ANKDD1B: variants seen among roughly 807,000 people sequenced by gnomAD.
ANKDD1B encodes the protein ankyrin repeat and death domain containing 1B.
ANKDD1B carries 57 observed loss-of-function variants against 59.7 expected under a neutral mutation model. The observed-to-expected ratio is 0.95, with a 90% confidence interval of 0.77 to 1.19. The LOEUF is 1.19. ANKDD1B is among the 50% of genes most tolerant of loss of function. The pLI is 0.00. For missense variants in ANKDD1B, 602 were observed against 641.9 expected, an observed-to-expected ratio of 0.94 and a Z score of 0.67; for synonymous variants, 216 against 239.5, an observed-to-expected ratio of 0.90 and a Z score of 0.91.
At chr5:75,653,304 A>G (rs1465203761) in intron 8 of ANKDD1B, 64 bp downstream of exon 8, 1 of 1,149,844 alleles carries the variant, frequency 8.7e-7, no homozygotes, top group Non-Finnish European at 1.3e-6. Context: ...TGTCAGGGAG[A>G]TGCCCCTTGC....
At chr5:75,653,851 T>C (rs933732002) in intron 8 of ANKDD1B, among the ~76,000 whole-genome samples, 4 of 152,322 alleles carry the variant, frequency 2.6e-5, no homozygotes, top group Non-Finnish European at 4.4e-5. Flanking sequence ...GTTTAAATCA[T>C]GTCAGATAGT....
At chr5:75,658,081 C>T (rs1775021258) in intron 9 of ANKDD1B, among the ~76,000 whole-genome samples, 1 of 151,768 alleles carries the variant, frequency 6.6e-6, no homozygotes, top group Non-Finnish European at 1.5e-5. Context: ...CCTGTAGTCT[C>T]AGCTACTCAG....
In ANKDD1B at chr5:75,671,723, G is replaced by C. The variant is rs1775491282; in HGVS notation, c.*683G>C. The C allele has an allele frequency of 1.3e-5, 2 of 150,044 alleles. No individual in the cohort carries two copies. The highest frequency in any genetic ancestry group is 3.0e-5 in the Non-Finnish European group (2 of 67,602). The allele number at this position is 150,044 out of a possible 1,614,324, so 9.3% of individuals were successfully genotyped here. On this transcript the variant is annotated 3_prime_UTR_variant, in exon 14 of 14. Transcript: ENST00000601380. ...TTTTTTTTTTTTTTTAAATCTCTTG[G>C]TGATGTAATTACAGATGATTATTTT...
intron 7 of ANKDD1B, among the ~76,000 whole-genome samples, chr5:75,648,801 T>C (rs1321735930): frequency 6.6e-6 from 1 of 152,038 alleles, no homozygotes; most frequent in Non-Finnish European, 1.5e-5. Flanking sequence ...CCGGGATGGG[T>C]TGGACTTTGG....
Position 75,653,126 on chromosome 5 carries a change from C to T in ANKDD1B, c.799-16C>T, listed in dbSNP as rs2111996421. The T allele has an allele frequency of 6.6e-7, 1 of 1,517,282 alleles. No homozygotes were observed. The highest frequency in any genetic ancestry group is 1.4e-5 in the African/African-American group (1 of 72,736). The allele number at this position is 1,517,282 out of a possible 1,614,324, so 94.0% of individuals were successfully genotyped here. On this transcript the variant is annotated splice_polypyrimidine_tract_variant and intron_variant, in intron 7 of 13. Coordinates refer to ENST00000601380, the MANE Select transcript of ANKDD1B (RefSeq NM_001276713.2). Reference sequence around the variant, plus strand: ...TAATGAGAGTTCCTCCTTGCCCTCTCTATTGTCTCTTGCAGCTCAATATCA... The same window carrying T: ...TAATGAGAGTTCCTCCTTGCCCTCTTTATTGTCTCTTGCAGCTCAATATCA...
At chr5:75,637,802 T>C (rs929419455) in intron 7 of ANKDD1B, among the ~76,000 whole-genome samples, 6 of 152,292 alleles carry the variant, frequency 3.9e-5, no homozygotes, top group Admixed American at 3.3e-4. Context: ...TTCTTTTTCT[T>C]ACTTTCTTTT....
At chr5:75,648,676 C>G (rs975786196) in intron 7 of ANKDD1B, among the ~76,000 whole-genome samples, 2 of 152,166 alleles carry the variant, frequency 1.3e-5, no homozygotes, top group African/African-American at 4.8e-5. Flanking sequence ...GCACACTTCT[C>G]AATCAACAAC....
intron 10 of ANKDD1B, among the ~76,000 whole-genome samples, chr5:75,663,141 A>C (rs1379411256): frequency 6.6e-6 from 1 of 152,202 alleles, no homozygotes; most frequent in Admixed American, 6.5e-5. Flanking sequence ...AGGTCACATA[A>C]CTAACTGCAA....
Position 75,666,977 on chromosome 5 carries a change from T to C in ANKDD1B, c.1377T>C (p.Ile459=). 1.3e-6 allele frequency: 2 copies of C among 1,481,988 alleles called. No homozygotes were observed. Among genetic ancestry groups the C allele is most frequent in the South Asian group, 2.7e-5 (2 of 73,148 alleles). The allele number at this position is 1,481,988 out of a possible 1,614,324, so 91.8% of individuals were successfully genotyped here. ...WNFTDDQIRA[I]EEQWSGNESF... is the part of the protein sequence containing the mutation. Reference sequence around the variant, plus strand: ...TTACAGATGACCAGATTAGAGCCATTGAGGAGCAGTGGTCGGGTGAGTACA... The same window carrying C: ...TTACAGATGACCAGATTAGAGCCATCGAGGAGCAGTGGTCGGGTGAGTACA... Residue 459 remains isoleucine, a synonymous_variant, in exon 12 of 14, where the codon ATT becomes ATC. Coordinates refer to ENST00000601380, the MANE Select transcript of ANKDD1B (RefSeq NM_001276713.2).
rs1775491162 is a variant in ANKDD1B, at chr5:75,671,716, T to A, written c.*676T>A. 6.6e-6 allele frequency: 1 copy of A among 152,040 alleles called. No homozygotes were observed. The highest frequency in any genetic ancestry group is 1.5e-5 in the Non-Finnish European group (1 of 67,958). The allele number at this position is 152,040 out of a possible 1,614,324, so 9.4% of individuals were successfully genotyped here. A position where few individuals can be genotyped will look rare whatever the true frequency, so the allele number is the denominator to read the frequency against. On this transcript the variant is annotated 3_prime_UTR_variant, in exon 14 of 14. Coordinates refer to ENST00000601380, the MANE Select transcript of ANKDD1B (RefSeq NM_001276713.2). ...TACACCATTTTTTTTTTTTTTTAAATCTCTTGGTGATGTAATTACAGATGA... is the reference window on the plus strand; with the variant it reads ...TACACCATTTTTTTTTTTTTTTAAAACTCTTGGTGATGTAATTACAGATGA...
At chr5:75,621,855 G>A (rs887590762) in intron 3 of ANKDD1B, among the ~76,000 whole-genome samples, 6 of 152,328 alleles carry the variant, frequency 3.9e-5, no homozygotes, top group Admixed American at 1.3e-4. Context: ...TGTCTCTGAA[G>A]CATGACTATT....
chr5:75,618,508 ATC>A, intron 2 of ANKDD1B, among the ~76,000 whole-genome samples: 1 of 152,338 alleles, frequency 6.6e-6, no homozygotes, highest in African/African-American at 2.4e-5. Flanking sequence ...TTCTAATGAC[ATC>A]TGTTTACTGT....
chr5:75,633,551 A>AT (rs1774222652), intron 5 of ANKDD1B, among the ~76,000 whole-genome samples: 1 of 152,160 alleles, frequency 6.6e-6, no homozygotes, highest in South Asian at 2.1e-4. Context: ...ATTTTTTAAC[A>AT]TTAAGACACC....
intron 7 of ANKDD1B, among the ~76,000 whole-genome samples, chr5:75,648,211 C>G (rs1188662344): frequency 2.6e-5 from 3 of 116,412 alleles, no homozygotes; most frequent in African/African-American, 3.5e-5. Context: ...ATGTAACTAA[C>G]CTGCACAATG....
At chr5:75,623,987 TTACAAA>T (rs1340600500) in intron 3 of ANKDD1B, among the ~76,000 whole-genome samples, 11 of 152,174 alleles carry the variant, frequency 7.2e-5, no homozygotes, top group Non-Finnish European at 1.6e-4. Flanking sequence ...CTTATGTACT[TTACAAA>T]TAGAAGTGTA....
At chr5:75,651,031 G>A (rs924389418) in intron 7 of ANKDD1B, among the ~76,000 whole-genome samples, 3 of 152,218 alleles carry the variant, frequency 2.0e-5, no homozygotes, top group Non-Finnish European at 4.4e-5. Flanking sequence ...TAAGAGGAAC[G>A]ATTACAAGAG....
intron 3 of ANKDD1B, among the ~76,000 whole-genome samples, chr5:75,621,678 G>A (rs1413703885): frequency 6.6e-6 from 1 of 152,104 alleles, no homozygotes; most frequent in Non-Finnish European, 1.5e-5. Context: ...ATATTAGATT[G>A]CATCTTTTCT....
At position 75,656,106 on chromosome 5, in the gene ANKDD1B, T is replaced by C. The variant is rs1261058213; in HGVS notation, c.975T>C (p.His325=). 9.2e-6 allele frequency: 14 copies of C among 1,520,298 alleles called. No homozygotes were observed. Among genetic ancestry groups the C allele is most frequent in the African/African-American group, 1.4e-5 (1 of 72,576 alleles). 94.2% of individuals were successfully genotyped at this position (1,520,298 alleles called of 1,614,324 possible). ...TVVNSLLSAQ[H]DIDILNQKQQ... Reference sequence around the variant, plus strand: ...TAAACAGTTTATTAAGTGCACAGCATGATATTGACATCTTAAATCAGGTAA... The same window carrying C: ...TAAACAGTTTATTAAGTGCACAGCACGATATTGACATCTTAAATCAGGTAA... The change falls in exon 9 of 14, where the codon CAT becomes CAC. Residue 325 remains histidine (H), a synonymous_variant. Coordinates refer to ENST00000601380, the MANE Select transcript of ANKDD1B (RefSeq NM_001276713.2).
intron 11 of ANKDD1B, among the ~76,000 whole-genome samples, chr5:75,665,787 A>G (rs1170408221): frequency 1.3e-5 from 2 of 151,848 alleles, no homozygotes; most frequent in African/African-American, 4.9e-5. Flanking sequence ...GGGCCCATCA[A>G]GTTCTTCTCA....
Sources: allele counts gnomAD v4.1 joint callset (sites outside exome capture counted in the v4.1 genomes callset), GRCh38; gene constraint gnomAD v4.1.1; transcripts MANE v1.5; gene names NCBI Gene and HGNC (gene_info 2026-07-23, HGNC 2026-07-21).